The following ANO2 variants were observed in gnomAD, a reference collection of about 807,000 sequenced individuals.
The protein encoded by ANO2 is anoctamin 2.
In ANO2, 101 loss-of-function variants were observed where a neutral mutation model predicts 124.2. The ratio of observed to expected loss-of-function variants is 0.81; its 90% CI spans 0.69 to 0.96. ANO2 has a LOEUF of 0.96. Among genes scored for constraint, ANO2 ranks in the 40% least tolerant of loss-of-function variants. ANO2 has a pLI of 0.00. For missense variants in ANO2, 1,293 were observed against 1,274.5 expected (o/e 1.01, Z -0.22); for synonymous variants, 486 against 482.5 (o/e 1.01, Z -0.09).
chr12:5,840,055 A>G (rs775829521), intron 4 of ANO2, among the ~76,000 whole-genome samples: 1 of 152,028 alleles, frequency 6.6e-6, no homozygotes, highest in Non-Finnish European at 1.5e-5. Context: ...AATCCTCTTT[A>G]TTATTATTAA....
chr12:5,650,641 C>T (rs945220807), intron 14 of ANO2, among the ~76,000 whole-genome samples: 4 of 152,290 alleles, frequency 2.6e-5, no homozygotes, highest in African/African-American at 4.8e-5. Flanking sequence ...ATTAACAATA[C>T]GAAGACTTGC....
intron 14 of ANO2, among the ~76,000 whole-genome samples, chr12:5,663,170 C>A (rs957715124): frequency 6.6e-6 from 1 of 152,344 alleles, no homozygotes. Flanking sequence ...CAGCAGCCTG[C>A]CCTGTCCTGC....
intron 1 of ANO2, among the ~76,000 whole-genome samples, chr12:5,936,814 G>A (rs1942672469): frequency 1.3e-5 from 2 of 152,190 alleles, no homozygotes; most frequent in South Asian, 4.2e-4. Flanking sequence ...ATGTATGAGT[G>A]AGGAAAGGGT....
At chr12:5,926,775 G>A (rs1320560599) in intron 1 of ANO2, among the ~76,000 whole-genome samples, 4 of 152,196 alleles carry the variant, frequency 2.6e-5, no homozygotes, top group African/African-American at 9.7e-5. Flanking sequence ...GGGTTGTGCA[G>A]GATTGGGAGG....
At chr12:5,747,776 C>A (rs577381696) in intron 11 of ANO2, among the ~76,000 whole-genome samples, 14 of 152,270 alleles carry the variant, frequency 9.2e-5, no homozygotes, top group African/African-American at 3.4e-4. Flanking sequence ...CTTATCTTAC[C>A]CCATCTTGTT....
chr12:5,919,976 C>T (rs992907495), intron 3 of ANO2, among the ~76,000 whole-genome samples: 6 of 151,134 alleles, frequency 4.0e-5, no homozygotes, highest in African/African-American at 1.2e-4. Context: ...GGATTACAGG[C>T]GTGAGTCACC....
Position 5,839,997 on chromosome 12 carries a change from A to C in ANO2, c.634-7394T>G, listed in dbSNP as rs191715860. Among the ~76,000 whole-genome samples, 348 of 152,292 alleles carry C rather than the reference A, an allele frequency of 2.3e-3. 2 individuals carry two copies. The highest frequency in any genetic ancestry group is 4.1e-3 in the Non-Finnish European group (279 of 68,028). ...CCTTTCCACCCTGGCCAAACCCAGC[A>C]GCCCAGGCTCTCCTCTTTACTTCGG... On this transcript the variant is annotated intron_variant, in intron 4 of 24. Transcript: ENST00000682330.
intron 14 of ANO2, among the ~76,000 whole-genome samples, chr12:5,685,346 C>T (rs528355845): frequency 5.3e-5 from 8 of 152,128 alleles, no homozygotes; most frequent in Non-Finnish European, 1.2e-4. Context: ...GGGGTCTCCA[C>T]GAGTCTCCAT....
chr12:5,742,259 TG>T (rs1565632102), intron 12 of ANO2, among the ~76,000 whole-genome samples: 1 of 152,170 alleles, frequency 6.6e-6, no homozygotes, highest in Non-Finnish European at 1.5e-5. Flanking sequence ...ATAATAATCA[TG>T]GTAATGAGAG....
At chr12:5,935,811 C>T (rs1185863714) in intron 1 of ANO2, among the ~76,000 whole-genome samples, 2 of 152,190 alleles carry the variant, frequency 1.3e-5, no homozygotes, top group Admixed American at 1.3e-4. Flanking sequence ...GGTTTCACCT[C>T]CACAGATTTG....
chr12:5,647,935 T>C, intron 14 of ANO2, 134 bp from the exon 15 acceptor site: 1 of 689,742 alleles, frequency 1.4e-6, no homozygotes, highest in East Asian at 2.8e-5. Flanking sequence ...ACTGATGCCT[T>C]ACTCTCCATA....
intron 3 of ANO2, among the ~76,000 whole-genome samples, chr12:5,917,070 G>C (rs947030693): frequency 6.6e-6 from 1 of 152,102 alleles, no homozygotes; most frequent in African/African-American, 2.4e-5. Flanking sequence ...AGCCATGGGT[G>C]GGGGCTGAGA....
intron 4 of ANO2, among the ~76,000 whole-genome samples, chr12:5,840,393 C>G (rs1396996597): frequency 1.3e-5 from 2 of 152,028 alleles, no homozygotes; most frequent in Admixed American, 6.6e-5. Flanking sequence ...GCAGTGTGGT[C>G]TGAGGGCTGA....
intron 14 of ANO2, among the ~76,000 whole-genome samples, chr12:5,699,843 A>C (rs1474902892): frequency 6.6e-6 from 1 of 152,236 alleles, no homozygotes; most frequent in Non-Finnish European, 1.5e-5. Flanking sequence ...GAGACAAAGA[A>C]GGCCATTACC....
chr12:5,923,078 A>ATACACACACG (rs1555184516), intron 1 of ANO2, among the ~76,000 whole-genome samples: 2 of 22,282 alleles, frequency 9.0e-5, no homozygotes, highest in Admixed American at 7.4e-4. Flanking sequence ...ACACATGCAC[A>ATACACACACG]CATACACACA....
At chr12:5,597,312 A>C (rs1943712234) in intron 20 of ANO2, among the ~76,000 whole-genome samples, 1 of 151,912 alleles carries the variant, frequency 6.6e-6, no homozygotes, top group East Asian at 1.9e-4. Context: ...ATGTGTTCTC[A>C]TGGTTTAGCT....
At chr12:5,794,324 C>A (rs1663489804) in intron 10 of ANO2, among the ~76,000 whole-genome samples, 1 of 152,182 alleles carries the variant, frequency 6.6e-6, no homozygotes, top group Non-Finnish European at 1.5e-5. Flanking sequence ...TGGGGCAGAG[C>A]AAGGGACTTG....
chr12:5,939,025 T>C (rs1280485235), intron 1 of ANO2, among the ~76,000 whole-genome samples: 1 of 151,478 alleles, frequency 6.6e-6, no homozygotes. Context: ...AAGACCATCC[T>C]GGCCAAGAGA....
intron 10 of ANO2, among the ~76,000 whole-genome samples, chr12:5,758,790 C>T (rs1951654988): frequency 1.3e-5 from 2 of 152,176 alleles, no homozygotes; most frequent in South Asian, 4.1e-4. Flanking sequence ...CTACTTACCT[C>T]AGTTTCCACT....
Sources: gnomAD v4.1 joint callset for allele counts (sites outside exome capture counted in the v4.1 genomes callset) on GRCh38, gnomAD v4.1.1 for gene constraint, MANE v1.5 for transcripts, NCBI Gene and HGNC (gene_info 2026-07-23, HGNC 2026-07-21) for gene names.